The following RUNX1 variants were observed in gnomAD, a reference collection of about 807,000 sequenced individuals.
RUNX1 encodes the protein RUNX family transcription factor 1.
In RUNX1, 19 loss-of-function variants were observed where a neutral mutation model predicts 42.8. That is an observed-to-expected ratio of 0.44 (90% CI 0.31 to 0.65). The LOEUF is 0.65. Ranked by LOEUF, RUNX1 falls within the 30% of genes least tolerant of loss-of-function variation. The pLI is 0.07. For synonymous variants in RUNX1, 271 were observed against 289.4 expected, an observed-to-expected ratio of 0.94 and a Z score of 0.64; for missense variants, 528 against 672.0, an observed-to-expected ratio of 0.79 and a Z score of 2.37.
intron 2 of RUNX1, among the ~76,000 whole-genome samples, chr21:34,941,800 A>G (rs753645446): frequency 5.9e-5 from 9 of 151,552 alleles, no homozygotes; most frequent in Non-Finnish European, 1.3e-4. Flanking sequence ...TGAGCTATAG[A>G]TGATGATTTC....
intron 3 of RUNX1, chr21:34,888,713 C>G (rs2058035112): frequency 1.9e-6 from 2 of 1,030,420 alleles, no homozygotes; most frequent in Non-Finnish European, 2.3e-6. Flanking sequence ...TGGAAATGAA[C>G]GTGCTTTTAC....
intron 2 of RUNX1, among the ~76,000 whole-genome samples, chr21:34,985,717 T>C (rs1180137880): frequency 6.6e-6 from 1 of 152,162 alleles, no homozygotes. Context: ...GGTACACACC[T>C]ATTTTATTCA....
At chr21:35,017,538 G>T (rs2146933308) in intron 2 of RUNX1, among the ~76,000 whole-genome samples, 1 of 152,262 alleles carries the variant, frequency 6.6e-6, no homozygotes, top group East Asian at 1.9e-4. Flanking sequence ...ACTGAAATGA[G>T]GACACCTGAG....
At chr21:34,938,921 G>GATC in intron 2 of RUNX1, among the ~76,000 whole-genome samples, 1 of 152,238 alleles carries the variant, frequency 6.6e-6, no homozygotes, top group South Asian at 2.1e-4. Flanking sequence ...AAAGTGTTGA[G>GATC]ATCAAGGGAC....
Position 34,888,636 on chromosome 21 carries a change from C to T in RUNX1, c.98-1540G>A. ...GGCGCAGGGCCGGGCAGCGTGGTGC[C>T]CTGGCTGGGTCCGGCCGCGGGGCGC... On this transcript the variant is annotated intron_variant, in intron 3 of 8. Transcript: ENST00000675419. 5.7e-6 allele frequency: 6 copies of T among 1,054,008 alleles called. No individual in the cohort carries two copies. The South Asian group carries it at 1.8e-4, about 32-fold the overall frequency. 65.3% of individuals were successfully genotyped at this position (1,054,008 alleles called of 1,614,324 possible). A position where few individuals can be genotyped will look rare whatever the true frequency, so the allele number is the denominator to read the frequency against.
At chr21:34,811,669 C>T (rs933095738) in intron 7 of RUNX1, among the ~76,000 whole-genome samples, 13 of 152,022 alleles carry the variant, frequency 8.6e-5, no homozygotes. Flanking sequence ...TGTTTTTATT[C>T]CCCCCTCTGA....
chr21:34,909,282 C>G (rs1385040542), intron 2 of RUNX1, among the ~76,000 whole-genome samples: 2 of 152,124 alleles, frequency 1.3e-5, no homozygotes, highest in Admixed American at 6.5e-5. Context: ...ATCTCTGGAA[C>G]TGAGTATCAA....
intron 2 of RUNX1, among the ~76,000 whole-genome samples, chr21:35,000,089 G>A (rs1266386763): frequency 4.6e-5 from 7 of 152,062 alleles, no homozygotes; most frequent in African/African-American, 7.2e-5. Flanking sequence ...TGGATACAAG[G>A]CACTGAAACA....
intron 5 of RUNX1, among the ~76,000 whole-genome samples, chr21:34,866,646 G>A (rs989398747): frequency 2.0e-5 from 3 of 152,182 alleles, no homozygotes; most frequent in African/African-American, 4.8e-5. Flanking sequence ...ATTTTTGACA[G>A]TGGAGTTGTA....
intron 7 of RUNX1, among the ~76,000 whole-genome samples, chr21:34,828,870 G>T (rs148400186): frequency 6.6e-6 from 1 of 152,156 alleles, no homozygotes. Context: ...GCCATGAGCC[G>T]AATAAACTTT....
At chr21:34,805,854 G>A (rs2056671563) in intron 7 of RUNX1, among the ~76,000 whole-genome samples, 1 of 152,170 alleles carries the variant, frequency 6.6e-6, no homozygotes, top group African/African-American at 2.4e-5. Flanking sequence ...ATAGCATGTG[G>A]ATAAATGAAA....
chr21:34,992,125 T>C (rs2058948627), intron 2 of RUNX1, among the ~76,000 whole-genome samples: 1 of 152,236 alleles, frequency 6.6e-6, no homozygotes, highest in African/African-American at 2.4e-5. Flanking sequence ...CATGGGAAAG[T>C]AACGCACCCC....
intron 2 of RUNX1, among the ~76,000 whole-genome samples, chr21:34,951,198 T>C (rs2058604545): frequency 1.3e-5 from 2 of 152,192 alleles, no homozygotes; most frequent in Non-Finnish European, 2.9e-5. Context: ...CACCATAATG[T>C]GTTCTAAAAG....
intron 6 of RUNX1, among the ~76,000 whole-genome samples, chr21:34,845,606 G>A (rs756597535): frequency 4.6e-5 from 7 of 152,174 alleles, no homozygotes; most frequent in Non-Finnish European, 7.3e-5. Context: ...TCTGGTGTGT[G>A]AAAGCAAGAC....
At chr21:34,844,895 C>T (rs1478189365) in intron 6 of RUNX1, among the ~76,000 whole-genome samples, 7 of 152,200 alleles carry the variant, frequency 4.6e-5, no homozygotes, top group African/African-American at 1.7e-4. Flanking sequence ...GGACAGGGTA[C>T]CCTGGCCACT....
At chr21:34,889,584 C>T in intron 3 of RUNX1, 2 of 861,586 alleles carry the variant, frequency 2.3e-6, no homozygotes, top group Non-Finnish European at 2.9e-6. Context: ...ACAGCCTGCC[C>T]GGGCCCCGCG....
At chr21:34,991,655 C>T (rs757442922) in intron 2 of RUNX1, among the ~76,000 whole-genome samples, 4 of 152,134 alleles carry the variant, frequency 2.6e-5, no homozygotes, top group Non-Finnish European at 5.9e-5. Context: ...TGAAGTCACA[C>T]GGCTACAAAG....
intron 2 of RUNX1, among the ~76,000 whole-genome samples, chr21:34,966,480 G>C (rs927863522): frequency 2.0e-5 from 3 of 152,172 alleles, no homozygotes; most frequent in African/African-American, 7.2e-5. Context: ...GAAGGGAGAA[G>C]AAGATGCTTT....
At chr21:34,823,173 G>A (rs1269605883) in intron 7 of RUNX1, among the ~76,000 whole-genome samples, 4 of 152,220 alleles carry the variant, frequency 2.6e-5, no homozygotes, top group Admixed American at 2.0e-4. Context: ...TCAAGTTAGC[G>A]CTGACTCAGC....
Sources: gnomAD v4.1 joint callset for allele counts (sites outside exome capture counted in the v4.1 genomes callset) on GRCh38, gnomAD v4.1.1 for gene constraint, MANE v1.5 for transcripts, NCBI Gene and HGNC (gene_info 2026-07-23, HGNC 2026-07-21) for gene names.